CDC27: variants seen among roughly 807,000 people sequenced by gnomAD.
CDC27 encodes cell division cycle 27.
In CDC27, 27 loss-of-function variants were observed where a neutral mutation model predicts 109.7. The ratio of observed to expected loss-of-function variants is 0.25; its 90% CI spans 0.18 to 0.34. The LOEUF is 0.34. Ranked by LOEUF, CDC27 falls within the 10% of genes least tolerant of loss-of-function variation. CDC27 has a pLI of 1.00. For synonymous variants in CDC27, 266 were observed against 333.9 expected (o/e 0.80, Z 2.22); for missense variants, 579 against 960.2 (o/e 0.60, Z 5.25).
intron 12 of CDC27, 45 bp downstream of exon 12, chr17:47,141,808 G>C: frequency 8.4e-7 from 1 of 1,186,100 alleles, no homozygotes; most frequent in South Asian, 1.6e-5. Context: ...TAATGAAATT[G>C]AAATTATCTC....
rs1265071856 is a variant in CDC27 at position 47,164,052 on chromosome 17, C to T, written c.378-5749G>A. ...ATGCTGGGATTATAGGTGTGAGCCA[C>T]CCTGCCTGGCCCCCATAAGATTATA... On this transcript the variant is annotated intron_variant, in intron 4 of 18. Transcript: ENST00000066544. 3.9e-5 allele frequency among the ~76,000 whole-genome samples: 6 copies of T among 152,180 alleles called. No individual in the cohort carries two copies. The South Asian group carries it at 8.3e-4, about 21-fold the overall frequency.
chr17:47,186,195 A>C (rs2064428709), intron 1 of CDC27, among the ~76,000 whole-genome samples: 1 of 151,628 alleles, frequency 6.6e-6, no homozygotes, highest in African/African-American at 2.4e-5. Context: ...CTGCTCAAAA[A>C]CTCTTCTGCT....
intron 9 of CDC27, among the ~76,000 whole-genome samples, chr17:47,147,207 T>C (rs978163352): frequency 6.6e-6 from 1 of 151,258 alleles, no homozygotes; most frequent in Non-Finnish European, 1.5e-5. Context: ...GAGACCATCC[T>C]GGCTAACACG....
intron 1 of CDC27, among the ~76,000 whole-genome samples, chr17:47,186,874 A>G (rs1336438245): frequency 6.6e-6 from 1 of 152,026 alleles, no homozygotes; most frequent in Non-Finnish European, 1.5e-5. Flanking sequence ...ACTTACTCTC[A>G]TTGCTTTCCA....
intron 8 of CDC27, among the ~76,000 whole-genome samples, chr17:47,153,711 T>A (rs908727102): frequency 1.3e-5 from 2 of 152,328 alleles, no homozygotes; most frequent in South Asian, 4.1e-4. Context: ...TCACAGAAGT[T>A]ACCTTGTGCC....
chr17:47,189,285 G>A lies in CDC27; in HGVS notation c.-113C>T, dbSNP rs1278884786. The A allele has an allele frequency of 3.6e-6, 3 of 834,390 alleles. No individual in the cohort carries two copies. Among genetic ancestry groups the A allele is most frequent in the Non-Finnish European group, 6.1e-6 (3 of 492,866 alleles). 51.7% of individuals were successfully genotyped at this position (834,390 alleles called of 1,614,324 possible). ...CCAGCGACCGTTACCGGGGGATGGG[G>A]GAGGCCGAGCGATTGCCGAGTGCTT... On this transcript the variant is annotated 5_prime_UTR_variant, in exon 1 of 19. Transcript: ENST00000066544.
At chr17:47,131,052 T>C (rs2062314497) in intron 15 of CDC27, among the ~76,000 whole-genome samples, 1 of 152,086 alleles carries the variant, frequency 6.6e-6, no homozygotes, top group African/African-American at 2.4e-5. Context: ...CCCACAGGAC[T>C]GAGACCCTAA....
chr17:47,144,934 T>C (rs2148876471), intron 9 of CDC27, among the ~76,000 whole-genome samples: 1 of 151,744 alleles, frequency 6.6e-6, no homozygotes, highest in East Asian at 1.9e-4. Context: ...AGGAGTTTGA[T>C]AACGAAAGGC....
At chr17:47,121,304 T>A (rs2061975842) in intron 18 of CDC27, among the ~76,000 whole-genome samples, 1 of 151,980 alleles carries the variant, frequency 6.6e-6, no homozygotes, top group Admixed American at 6.6e-5. Context: ...GCTAGTTCTC[T>A]GAGACATTAA....
chr17:47,181,541 A>G (rs940864540), intron 2 of CDC27, 21 bp downstream of exon 2: 14 of 1,372,718 alleles, frequency 1.0e-5, no homozygotes, highest in Non-Finnish European at 1.5e-5. Flanking sequence ...ATCATTCTAC[A>G]GCAATGAATA....
In CDC27 at chr17:47,121,011, G is replaced by A. The variant is rs1454772767; in HGVS notation, c.2399C>T (p.Thr800Ile). Residue 800 changes from threonine (T) to isoleucine (I), a missense_variant, in exon 19 of 19, where the codon ACA (threonine) becomes ATA (isoleucine). Physicochemically the swap from Thr to Ile is moderately conservative, Grantham distance 89. This residue lies in a region of CDC27 where 227 missense variants were observed against 363.6 expected (regional missense o/e 0.62). Coordinates refer to ENST00000066544, the MANE Select transcript of CDC27 (RefSeq NM_001256.6). ...CATGCTGCTCTCCTGGGATTCATCT[G>A]TTCCCACTTTAAAAATAAAACAGAA... ...PITQEEQIMG[T>I]DESQESSMTD... is the part of the protein sequence containing the mutation. 2 of 1,607,734 alleles carry A rather than the reference G, an allele frequency of 1.2e-6. No individual in the cohort carries two copies. Among genetic ancestry groups the A allele is most frequent in the Non-Finnish European group, 1.7e-6 (2 of 1,175,256 alleles).
intron 9 of CDC27, among the ~76,000 whole-genome samples, chr17:47,146,834 G>A (rs1221122386): frequency 2.0e-5 from 3 of 152,208 alleles, no homozygotes; most frequent in Non-Finnish European, 4.4e-5. Flanking sequence ...GGTGGGTGAG[G>A]TGGGAGGATT....
At chr17:47,167,073 T>G (rs2063672139) in intron 4 of CDC27, among the ~76,000 whole-genome samples, 1 of 152,214 alleles carries the variant, frequency 6.6e-6, no homozygotes, top group Non-Finnish European at 1.5e-5. Context: ...CTGGCTGGTC[T>G]CAAATTCCCC....
At chr17:47,154,531 G>GATCA in intron 8 of CDC27, 141 bp downstream of exon 8, 1 of 526,868 alleles carries the variant, frequency 1.9e-6, no homozygotes. Context: ...TTTATATTTA[G>GATCA]ATCACCCTCT....
intron 14 of CDC27, among the ~76,000 whole-genome samples, chr17:47,133,062 T>TATACACAC (rs373677958): frequency 2.7e-5 from 2 of 73,722 alleles, no homozygotes; most frequent in African/African-American, 1.2e-4. Flanking sequence ...CACATACATA[T>TATACACAC]ACACACACAC....
In CDC27 at chr17:47,160,019, A is replaced by G. The variant is rs962423571; in HGVS notation, c.378-1716T>C. 13 of 240,822 alleles carry G rather than the reference A, an allele frequency of 5.4e-5. No homozygotes were observed. In the South Asian group the frequency reaches 5.5e-4, roughly 10 times the overall value. The allele number at this position is 240,822 out of a possible 1,614,324, so 14.9% of individuals were successfully genotyped here. A position where few individuals can be genotyped will look rare whatever the true frequency, so the allele number is the denominator to read the frequency against. ...TCTGCTTCTTTTTTTTTTTTTTCAA[A>G]CAAACTAGAGGTGGTAGGTCTTTTT... On this transcript the variant is annotated intron_variant, in intron 4 of 18. Coordinates refer to ENST00000066544, the MANE Select transcript of CDC27 (RefSeq NM_001256.6).
chr17:47,155,385 A>G (rs1415302133), intron 7 of CDC27, among the ~76,000 whole-genome samples: 1 of 152,140 alleles, frequency 6.6e-6, no homozygotes, highest in Non-Finnish European at 1.5e-5. Context: ...ACCTGGGATT[A>G]CACGTATGTG....
rs1349890387 is a variant in CDC27, at chr17:47,142,431, A to G, written c.1176T>C (p.Asn392=). 1 of 1,429,518 alleles carries G rather than the reference A, an allele frequency of 7.0e-7. No homozygotes were observed. Among genetic ancestry groups the G allele is most frequent in the African/African-American group, 1.4e-5 (1 of 70,518 alleles). 88.6% of individuals were successfully genotyped at this position (1,429,518 alleles called of 1,614,324 possible). ...FTSDSSTTKE[N]SKKLKMKFPP... ...GAAACTTCATTTTTAATTTTTTGCT[A>G]TTCTCCTGTAAAAGGGAAGAAATTT... The change falls in exon 11 of 19, where the codon AAT becomes AAC. Residue 392 remains asparagine, a synonymous_variant. Transcript: ENST00000066544.
At chr17:47,129,343 GT>G (rs1598401003) in intron 16 of CDC27, 49 bp downstream of exon 16, 2 of 1,311,218 alleles carry the variant, frequency 1.5e-6, no homozygotes, top group Middle Eastern at 2.4e-4. Context: ...AAGGGATAAC[GT>G]TGTTTTTAAG....
Sources: allele counts gnomAD v4.1 joint callset (sites outside exome capture counted in the v4.1 genomes callset), GRCh38; gene constraint gnomAD v4.1.1; regional missense constraint gnomAD v4.1.1; transcripts MANE v1.5; gene names NCBI Gene and HGNC (gene_info 2026-07-23, HGNC 2026-07-21).